Variants in FAM149B1 observed in about 807,000 individuals in gnomAD.
The protein encoded by FAM149B1 is primary cilium assembly protein FAM149B1.
Under a neutral mutation model 75.3 loss-of-function variants are expected in FAM149B1, and 56 were observed. That is an observed-to-expected ratio of 0.74 (90% confidence interval 0.60 to 0.93). The LOEUF is 0.93. Among genes scored for constraint, FAM149B1 ranks in the 40% least tolerant of loss-of-function variants. FAM149B1 has a pLI of 0.00. For synonymous variants in FAM149B1, 259 were observed against 256.1 expected, an observed-to-expected ratio of 1.01 and a Z score of -0.11; for missense variants, 639 against 708.4, an observed-to-expected ratio of 0.90 and a Z score of 1.11.
chr10:73,220,952 G>A (rs988672103), intron 7 of FAM149B1, among the ~76,000 whole-genome samples: 4 of 152,186 alleles, frequency 2.6e-5, no homozygotes, highest in African/African-American at 9.7e-5. Context: ...GCCACAAAGA[G>A]GAATTAAGTA....
Position 73,174,697 on chromosome 10 carries a change from A to C in FAM149B1, c.58A>C (p.Thr20Pro), listed in dbSNP as rs1168239032. The C allele has an allele frequency of 6.5e-7, 1 of 1,549,622 alleles. No individual in the cohort carries two copies. Among genetic ancestry groups the C allele is most frequent in the Non-Finnish European group, 8.7e-7 (1 of 1,145,898 alleles). ...VPQSLELKGI[T>P]KHALNHHPPP... ...TTTTGTCTTTCACAGGAAAGGAATA[A>C]CAAAACATGCTCTTAACCATCATCC... Residue 20 changes from threonine (T) to proline (P), a missense_variant, in exon 2 of 14, where the codon ACA becomes CCA. Thr to Pro is a conservative substitution (Grantham distance 38). Transcript: ENST00000242505.
At chr10:73,192,944 C>T (rs1051075872) in intron 4 of FAM149B1, among the ~76,000 whole-genome samples, 8 of 152,128 alleles carry the variant, frequency 5.3e-5, no homozygotes, top group Non-Finnish European at 1.0e-4. Context: ...CAGCTGAGGT[C>T]TGAGTATCTG....
intron 7 of FAM149B1, among the ~76,000 whole-genome samples, chr10:73,215,473 T>C (rs971909424): frequency 1.3e-5 from 2 of 152,184 alleles, no homozygotes; most frequent in Admixed American, 6.5e-5. Context: ...TCTCCTGCCT[T>C]GGCCTGCCAA....
chr10:73,200,489 G>T (rs1484801681), intron 5 of FAM149B1: 1 of 621,646 alleles, frequency 1.6e-6, no homozygotes, highest in Non-Finnish European at 3.0e-6. Context: ...GGTACACCAG[G>T]GAGAATGTGT....
In FAM149B1 at chr10:73,228,167, T is replaced by C; in HGVS notation, c.1006T>C (p.Tyr336His). 1.9e-6 allele frequency: 3 copies of C among 1,551,614 alleles called. No homozygotes were observed. Among genetic ancestry groups the C allele is most frequent in the Non-Finnish European group, 2.6e-6 (3 of 1,146,948 alleles). ...LPRVPQSKVL[Y>H]ITSNPMSLCQ... is the part of the protein sequence containing the mutation. ...GCGAGTGCCACAGTCTAAGGTGCTGTACATTACCTCAAATCCGGTAAGCCC... is the reference window on the plus strand; with the variant it reads ...GCGAGTGCCACAGTCTAAGGTGCTGCACATTACCTCAAATCCGGTAAGCCC... The change falls in exon 8 of 14, where the codon TAC becomes CAC. Residue 336 changes from tyrosine to histidine, a missense_variant. By Grantham distance (83) the Tyr-to-His change is moderately conservative (BLOSUM62 2). Coordinates refer to ENST00000242505, the MANE Select transcript of FAM149B1 (RefSeq NM_173348.2).
At chr10:73,238,374 G>A (rs1182836421) in intron 12 of FAM149B1, among the ~76,000 whole-genome samples, 1 of 152,190 alleles carries the variant, frequency 6.6e-6, no homozygotes, top group Non-Finnish European at 1.5e-5. Context: ...AATGCTAGCT[G>A]TCCTGGGCCT....
chr10:73,208,851 C>T (rs1054535158), intron 6 of FAM149B1, 65 bp downstream of exon 6: 2 of 988,668 alleles, frequency 2.0e-6, no homozygotes, highest in Non-Finnish European at 2.7e-6. Flanking sequence ...CCTATTTTTT[C>T]TAAATGATGC....
In FAM149B1 at chr10:73,193,578, A is replaced by G; in HGVS notation, c.527A>G (p.Glu176Gly). 1.3e-6 allele frequency: 2 copies of G among 1,550,970 alleles called. No homozygotes were observed. The highest frequency in any genetic ancestry group is 1.7e-6 in the Non-Finnish European group (2 of 1,146,664). Residue 176 changes from glutamate to glycine, a missense_variant, in exon 5 of 14, where the codon GAA (glutamate) becomes GGA (glycine). Physicochemically the swap from Glu to Gly is moderately conservative, Grantham distance 98 (BLOSUM62 -2). Coordinates refer to ENST00000242505, the MANE Select transcript of FAM149B1 (RefSeq NM_173348.2). The part of the protein sequence containing the change: ...SASYETTLSQ[E>G]RDSTIFGIRG... ...TCATATGAAACAACCTTGTCTCAAG[A>G]AAGAGATTCTACTATGTGAGTATTC...
At chr10:73,209,890 T>TC (rs1394624015) in intron 6 of FAM149B1, among the ~76,000 whole-genome samples, 1 of 148,226 alleles carries the variant, frequency 6.7e-6, no homozygotes, top group Non-Finnish European at 1.5e-5. Flanking sequence ...ATTTTTTTTT[T>TC]CCCATTGCAT....
At chr10:73,226,272 C>T (rs563745436) in intron 7 of FAM149B1, among the ~76,000 whole-genome samples, 3 of 151,988 alleles carry the variant, frequency 2.0e-5, no homozygotes, top group Admixed American at 6.6e-5. Flanking sequence ...TTTGGAAGGC[C>T]GAGGCGGGTG....
chr10:73,216,446 T>C (rs1253578952), intron 7 of FAM149B1, among the ~76,000 whole-genome samples: 1 of 152,180 alleles, frequency 6.6e-6, no homozygotes, highest in African/African-American at 2.4e-5. Context: ...GATGATTGTT[T>C]TTGAGTTGTT....
intron 5 of FAM149B1, among the ~76,000 whole-genome samples, chr10:73,195,285 G>C (rs1461083981): frequency 6.6e-6 from 1 of 152,126 alleles, no homozygotes; most frequent in Non-Finnish European, 1.5e-5. Flanking sequence ...TGAGATTTGG[G>C]TTATCAACTG....
At chr10:73,169,307 A>G (rs1843601592) in intron 1 of FAM149B1, among the ~76,000 whole-genome samples, 1 of 152,090 alleles carries the variant, frequency 6.6e-6, no homozygotes, top group Non-Finnish European at 1.5e-5. Flanking sequence ...TCTGGGTGAC[A>G]AGAGTGAAAC....
intron 3 of FAM149B1, among the ~76,000 whole-genome samples, chr10:73,188,601 A>G (rs762220468): frequency 6.6e-6 from 1 of 152,110 alleles, no homozygotes; most frequent in African/African-American, 2.4e-5. Flanking sequence ...AGGCACCTGT[A>G]ATCCCAGCTA....
chr10:73,190,780 A>G (rs75325816), intron 3 of FAM149B1, among the ~76,000 whole-genome samples: 1 of 150,222 alleles, frequency 6.7e-6, no homozygotes, highest in Non-Finnish European at 1.5e-5. Context: ...TAGCAGTAGC[A>G]CAATCATAGC....
intron 3 of FAM149B1, among the ~76,000 whole-genome samples, chr10:73,191,979 C>T (rs887180777): frequency 2.0e-5 from 3 of 151,974 alleles, no homozygotes; most frequent in Non-Finnish European, 4.4e-5. Context: ...TGGCTTGCTA[C>T]AACCTGTGCC....
At chr10:73,183,172 T>C (rs1287904329) in intron 3 of FAM149B1, among the ~76,000 whole-genome samples, 2 of 152,178 alleles carry the variant, frequency 1.3e-5, no homozygotes, top group Non-Finnish European at 2.9e-5. Flanking sequence ...TGGGTGAATA[T>C]AAAAGTCTAT....
intron 12 of FAM149B1, among the ~76,000 whole-genome samples, chr10:73,237,728 T>G (rs114121491): frequency 1.1e-4 from 16 of 152,010 alleles, no homozygotes; most frequent in African/African-American, 3.6e-4. Context: ...AGCCAAACAT[T>G]TCATTTTTTT....
intron 8 of FAM149B1, among the ~76,000 whole-genome samples, chr10:73,229,034 A>T (rs895402810): frequency 6.6e-6 from 1 of 152,104 alleles, no homozygotes; most frequent in African/African-American, 2.4e-5. Context: ...TTAATATTTA[A>T]ATCTGTTAAC....
Sources: gnomAD v4.1 joint callset for allele counts (sites outside exome capture counted in the v4.1 genomes callset) on GRCh38, gnomAD v4.1.1 for gene constraint, MANE v1.5 for transcripts, NCBI Gene and HGNC (gene_info 2026-07-23, HGNC 2026-07-21) for gene names.